PREX1: variants seen among roughly 807,000 people sequenced by gnomAD.
The protein encoded by PREX1 is phosphatidylinositol-3,4,5-trisphosphate dependent Rac exchange factor 1, also known as phosphatidylinositol 3,4,5-trisphosphate-dependent Rac exchanger 1 protein.
In PREX1, 41 loss-of-function variants were observed where a neutral mutation model predicts 198.3. The ratio of observed to expected loss-of-function variants is 0.21; its 90% CI spans 0.16 to 0.27. The LOEUF (loss-of-function observed/expected upper bound fraction) is 0.27, where lower values mean the gene tolerates loss of function less well. PREX1 is among the 10% of genes least tolerant of loss of function. PREX1 has a pLI of 1.00. For synonymous variants in PREX1, 843 were observed against 887.2 expected (o/e 0.95, Z 0.89); for missense variants, 1,620 against 2,200.7 (o/e 0.74, Z 5.28).
chr20:48,707,309 C>T (rs1291634027), intron 6 of PREX1, among the ~76,000 whole-genome samples: 15 of 152,068 alleles, frequency 9.9e-5, no homozygotes, highest in Admixed American at 6.5e-5. Context: ...TCTCCAGCCT[C>T]GGCTGGGCAG....
At chr20:48,877,148 A>G in the PREX1 span, among the ~76,000 whole-genome samples, 1 of 152,022 alleles carries the variant, frequency 6.6e-6, no homozygotes, top group Non-Finnish European at 1.5e-5. Flanking sequence ...TCACATGCCT[A>G]TAATCTCAGC....
intron 19 of PREX1, 56 bp downstream of exon 19, chr20:48,655,234 C>A (rs947506506): frequency 2.7e-5 from 39 of 1,454,680 alleles, no homozygotes; most frequent in African/African-American, 4.2e-5. Context: ...TCCTGCCACA[C>A]AGACAGATCC....
At chr20:48,860,933 C>T in the PREX1 span, among the ~76,000 whole-genome samples, 1 of 151,458 alleles carries the variant, frequency 6.6e-6, no homozygotes, top group African/African-American at 2.4e-5. Flanking sequence ...GAGTTTGAAA[C>T]CATCCTGGTC....
chr20:48,746,842 TAATA>T (rs918746262), intron 2 of PREX1, among the ~76,000 whole-genome samples: 2 of 151,930 alleles, frequency 1.3e-5, no homozygotes, highest in African/African-American at 4.8e-5. Context: ...ACAAACAGTG[TAATA>T]AATAAGTGGA....
intron 1 of PREX1, among the ~76,000 whole-genome samples, chr20:48,798,264 C>T (rs1332073792): frequency 6.6e-6 from 1 of 152,186 alleles, no homozygotes; most frequent in Non-Finnish European, 1.5e-5. Flanking sequence ...TCAAGTCCAA[C>T]CCAGCTCTAT....
intron 10 of PREX1, among the ~76,000 whole-genome samples, chr20:48,682,025 C>CA (rs1188373529): frequency 1.3e-5 from 2 of 151,900 alleles, no homozygotes; most frequent in Non-Finnish European, 2.9e-5. Flanking sequence ...TTACTACTCA[C>CA]AAAAAAAATC....
rs1491348551 is a variant in PREX1, at chr20:48,702,205, CTA to C, written c.784-1321_784-1320del. ...CCTGGGCGACTGAGCAGGACTCTGT[CTA>C]AAAAAAAAAAAAAAAAAGATAAAGA... On this transcript the variant is annotated intron_variant, in intron 6 of 39. Coordinates refer to ENST00000371941, the MANE Select transcript of PREX1 (RefSeq NM_020820.4). Among the ~76,000 whole-genome samples the C allele has an allele frequency of 3.5e-3, 302 of 86,884 alleles. 2 individuals carry two copies. Among genetic ancestry groups the C allele is most frequent in the African/African-American group, 0.013 (275 of 20,514 alleles). The allele number at this position is 86,884 out of a possible 152,430, so 57.0% of individuals were successfully genotyped here.
At chr20:48,687,466 CCT>C (rs2123036360) in intron 10 of PREX1, among the ~76,000 whole-genome samples, 1 of 152,380 alleles carries the variant, frequency 6.6e-6, no homozygotes, top group Non-Finnish European at 1.5e-5. Context: ...GCCACTGCTC[CCT>C]GTCTCCACAA....
chr20:48,880,981 T>TA, the PREX1 span, among the ~76,000 whole-genome samples: 6,304 of 20,974 alleles, frequency 0.3, 2,045 homozygotes, highest in Non-Finnish European at 0.35. Context: ...AAACCATTGC[T>TA]AAAAAAAAAA....
At chr20:48,657,990 TCA>T in intron 17 of PREX1, 144 bp downstream of exon 17, 4 of 820,460 alleles carry the variant, frequency 4.9e-6, no homozygotes, top group Non-Finnish European at 5.8e-6. Context: ...GGTCCTGGAC[TCA>T]GTTTCTCCAC....
At chr20:48,769,018 C>T (rs1239218895) in intron 1 of PREX1, among the ~76,000 whole-genome samples, 1 of 152,080 alleles carries the variant, frequency 6.6e-6, no homozygotes, top group Non-Finnish European at 1.5e-5. Flanking sequence ...CTACTGTCCA[C>T]GCATGGGTTG....
chr20:48,826,728 G>A (rs537047021), intron 1 of PREX1, among the ~76,000 whole-genome samples: 1 of 152,268 alleles, frequency 6.6e-6, no homozygotes, highest in East Asian at 1.9e-4. Flanking sequence ...GGTGGCTGGC[G>A]CGTGCCTGTA....
intron 14 of PREX1, among the ~76,000 whole-genome samples, chr20:48,667,387 C>T (rs1333939436): frequency 6.6e-6 from 1 of 152,160 alleles, no homozygotes; most frequent in Non-Finnish European, 1.5e-5. Context: ...GGGAAGCCTA[C>T]CAGGGGCTTC....
intron 9 of PREX1, among the ~76,000 whole-genome samples, chr20:48,690,111 G>A (rs915148367): frequency 2.0e-5 from 3 of 152,170 alleles, no homozygotes; most frequent in Non-Finnish European, 2.9e-5. Flanking sequence ...GCAGAAGGCC[G>A]GGGGAAATGA....
At chr20:48,847,375 A>C in the PREX1 span, among the ~76,000 whole-genome samples, 3 of 151,250 alleles carry the variant, frequency 2.0e-5, no homozygotes, top group South Asian at 2.1e-4. Flanking sequence ...AAAAAAAAAA[A>C]AAAAAAAAAC....
intron 25 of PREX1, among the ~76,000 whole-genome samples, chr20:48,648,712 C>T (rs2089469320): frequency 6.6e-6 from 1 of 152,196 alleles, no homozygotes; most frequent in African/African-American, 2.4e-5. Context: ...TAATCTCCAG[C>T]AGTTCCTCTT....
At chr20:48,817,845 T>C (rs891490034) in intron 1 of PREX1, among the ~76,000 whole-genome samples, 1 of 152,148 alleles carries the variant, frequency 6.6e-6, no homozygotes, top group Admixed American at 6.5e-5. Flanking sequence ...GCATCTACTA[T>C]GTAGCAGGCA....
At chr20:48,682,699 C>G (rs150055847) in intron 10 of PREX1, among the ~76,000 whole-genome samples, 2 of 152,142 alleles carry the variant, frequency 1.3e-5, no homozygotes, top group Non-Finnish European at 2.9e-5. Context: ...GAGGCTCAGC[C>G]GGGGCCCCAG....
At chr20:48,738,810 G>A (rs893030525) in intron 3 of PREX1, among the ~76,000 whole-genome samples, 22 of 152,126 alleles carry the variant, frequency 1.4e-4, no homozygotes, top group African/African-American at 5.3e-4. Flanking sequence ...GCTCCACAGA[G>A]ACCATCAGCT....
Sources: allele counts gnomAD v4.1 joint callset (sites outside exome capture counted in the v4.1 genomes callset), GRCh38; gene constraint gnomAD v4.1.1; transcripts MANE v1.5; gene names NCBI Gene and HGNC (gene_info 2026-07-23, HGNC 2026-07-21).